OR14L1: variants seen among roughly 807,000 people sequenced by gnomAD.
The protein encoded by OR14L1 is olfactory receptor family 14 subfamily L member 1.
chr1:247,617,711 CGT>C, the OR14L1 span, among the ~76,000 whole-genome samples: 3 of 144,636 alleles, frequency 2.1e-5, no homozygotes, highest in Admixed American at 6.8e-5. Flanking sequence ...TGTGTGTGTG[CGT>C]GTGTGTGTGT....
At chr1:247,617,851 A>G in the OR14L1 span, among the ~76,000 whole-genome samples, 2 of 152,082 alleles carry the variant, frequency 1.3e-5, no homozygotes, top group Non-Finnish European at 2.9e-5. Flanking sequence ...ACTGAATTTT[A>G]AAAAATTCAT....
the OR14L1 span, chr1:247,617,440 A>C: frequency 6.6e-6 from 1 of 152,180 alleles, no homozygotes; most frequent in Non-Finnish European, 1.5e-5. Flanking sequence ...AACCATAAAT[A>C]ATGTTATATT....
At chr1:247,619,728 A>C in the OR14L1 span, 1 of 152,122 alleles carries the variant, frequency 6.6e-6, no homozygotes, top group African/African-American at 2.4e-5. Context: ...ATGCTGCTCT[A>C]TTCTTCCTAG....
the OR14L1 span, among the ~76,000 whole-genome samples, chr1:247,618,122 A>G: frequency 6.6e-6 from 1 of 152,142 alleles, no homozygotes; most frequent in African/African-American, 2.4e-5. Flanking sequence ...TTAGGCGATC[A>G]ATGTCAGAAA....
At chr1:247,617,413 C>T in the OR14L1 span, 3 of 152,122 alleles carry the variant, frequency 2.0e-5, no homozygotes, top group Admixed American at 6.5e-5. Context: ...AAGTTCAATA[C>T]CATAAGTGGA....
At chr1:247,617,354 G>C in the OR14L1 span, 1 of 152,136 alleles carries the variant, frequency 6.6e-6, no homozygotes, top group Non-Finnish European at 1.5e-5. Context: ...TGAATGACTG[G>C]AGTTGCTCAA....
At chr1:247,622,143 T>C in the OR14L1 span, 4 of 152,228 alleles carry the variant, frequency 2.6e-5, no homozygotes, top group African/African-American at 4.8e-5. Context: ...TTGGTAACTT[T>C]GCATTGGGCA....
chr1:247,621,261 A>G, the OR14L1 span: 4 of 152,168 alleles, frequency 2.6e-5, no homozygotes, highest in Non-Finnish European at 5.9e-5. Flanking sequence ...GTTATTATGC[A>G]TTATTCCCAG....
chr1:247,620,847 T>C, the OR14L1 span: 1 of 152,062 alleles, frequency 6.6e-6, no homozygotes, highest in South Asian at 2.1e-4. Flanking sequence ...TTATAAATTA[T>C]ATTGTACTCA....
chr1:247,619,384 A>G, the OR14L1 span, among the ~76,000 whole-genome samples: 1 of 152,040 alleles, frequency 6.6e-6, no homozygotes, highest in Non-Finnish European at 1.5e-5. Flanking sequence ...GAGGTTATTC[A>G]TTCTCCCTTT....
the OR14L1 span, among the ~76,000 whole-genome samples, chr1:247,617,864 T>C: frequency 6.6e-6 from 1 of 152,202 alleles, no homozygotes; most frequent in South Asian, 2.1e-4. Context: ...AAATTCATAA[T>C]AAAAGAGTCA....
chr1:247,620,546 G>C, the OR14L1 span: 1 of 152,294 alleles, frequency 6.6e-6, no homozygotes, highest in African/African-American at 2.4e-5. Context: ...GCCCTGAGAA[G>C]GCAGTGTGGT....
At chr1:247,622,163 G>A in the OR14L1 span, 1 of 152,076 alleles carries the variant, frequency 6.6e-6, no homozygotes, top group African/African-American at 2.4e-5. Flanking sequence ...AAGTCTATTG[G>A]CACCATTTTT....
At chr1:247,617,801 TCA>T in the OR14L1 span, among the ~76,000 whole-genome samples, 5 of 151,368 alleles carry the variant, frequency 3.3e-5, no homozygotes, top group African/African-American at 1.2e-4. Flanking sequence ...GTGTGTGTGT[TCA>T]ATGAAAAGGA....
the OR14L1 span, among the ~76,000 whole-genome samples, chr1:247,618,896 C>T: frequency 8.2e-4 from 125 of 152,282 alleles, 1 homozygote; most frequent in African/African-American, 2.7e-3. Flanking sequence ...TCTCTTTTCT[C>T]GATACATCCA....
chr1:247,622,056 A>T, the OR14L1 span: 1 of 152,154 alleles, frequency 6.6e-6, no homozygotes, highest in African/African-American at 2.4e-5. Flanking sequence ...CTTTGGATAG[A>T]TGCAAGCGTA....
the OR14L1 span, among the ~76,000 whole-genome samples, chr1:247,617,693 G>A: frequency 6.9e-6 from 1 of 143,916 alleles, no homozygotes; most frequent in Non-Finnish European, 1.5e-5. Flanking sequence ...AGTGGTGAAA[G>A]GTGTGTGTGT....
chr1:247,617,734 G>A, the OR14L1 span, among the ~76,000 whole-genome samples: 5 of 137,648 alleles, frequency 3.6e-5, no homozygotes, highest in Admixed American at 7.5e-5. Context: ...GTGTAGTCTC[G>A]ATGTATGGTG....
the OR14L1 span, chr1:247,620,372 T>G: frequency 6.6e-6 from 1 of 152,198 alleles, no homozygotes; most frequent in African/African-American, 2.4e-5. Flanking sequence ...ATTCCACATC[T>G]TGTGGTTGTA....
Sources: gnomAD v4.1 joint callset for allele counts (sites outside exome capture counted in the v4.1 genomes callset) on GRCh38, gnomAD v4.1.1 for gene constraint, MANE v1.5 for transcripts, NCBI Gene and HGNC (gene_info 2026-07-23, HGNC 2026-07-21) for gene names.